LINGO2: variants seen among roughly 807,000 people sequenced by gnomAD.
LINGO2 encodes leucine rich repeat and Ig domain containing 2.
A neutral mutation model predicts 30.6 loss-of-function variants in LINGO2; 14 were observed. That is an observed-to-expected ratio of 0.46 (90% confidence interval 0.30 to 0.72). The LOEUF (loss-of-function observed/expected upper bound fraction) is 0.72. Ranked by LOEUF, LINGO2 falls within the 30% of genes least tolerant of loss-of-function variation. The pLI is 0.07. For missense variants in LINGO2, 729 were observed against 751.7 expected (o/e 0.97, Z 0.35); for synonymous variants, 317 against 288.5 (o/e 1.10, Z -1.00).
chr9:28,232,575 A>G (rs1821396843), intron 4 of LINGO2, among the ~76,000 whole-genome samples: 1 of 152,112 alleles, frequency 6.6e-6, no homozygotes, highest in African/African-American at 2.4e-5. Context: ...TAATTAATGT[A>G]ACGAGCACCT....
chr9:28,277,328 C>T (rs1823150538), intron 4 of LINGO2, among the ~76,000 whole-genome samples: 1 of 152,088 alleles, frequency 6.6e-6, no homozygotes, highest in Non-Finnish European at 1.5e-5. Context: ...GCAAACTTAA[C>T]CGATAAATGT....
chr9:28,687,594 T>C, the LINGO2 span, among the ~76,000 whole-genome samples: 1 of 152,016 alleles, frequency 6.6e-6, no homozygotes, highest in South Asian at 2.1e-4. Context: ...CATATGTAGG[T>C]CATTTGTCCT....
chr9:28,334,296 T>C (rs1825519009), intron 3 of LINGO2, among the ~76,000 whole-genome samples: 1 of 152,326 alleles, frequency 6.6e-6, no homozygotes, highest in Non-Finnish European at 1.5e-5. Context: ...CCTGTATTTA[T>C]ATTTCTTCTG....
At chr9:28,050,565 C>A (rs942646346) in intron 4 of LINGO2, among the ~76,000 whole-genome samples, 1 of 150,654 alleles carries the variant, frequency 6.6e-6, no homozygotes, top group Non-Finnish European at 1.5e-5. Flanking sequence ...GTTCTAATCC[C>A]CTCCATACTC....
chr9:28,593,169 G>C (rs536549609), intron 1 of LINGO2, among the ~76,000 whole-genome samples: 1 of 152,164 alleles, frequency 6.6e-6, no homozygotes, highest in East Asian at 1.9e-4. Flanking sequence ...ATTGTGCAAT[G>C]ATTAGATGCT....
chr9:28,211,154 G>A (rs528561286), intron 4 of LINGO2, among the ~76,000 whole-genome samples: 1 of 151,552 alleles, frequency 6.6e-6, no homozygotes, highest in South Asian at 2.1e-4. Context: ...TATTTATTCA[G>A]TCAACATGGA....
At chr9:28,498,752 G>T (rs547444770) in intron 1 of LINGO2, among the ~76,000 whole-genome samples, 2 of 152,246 alleles carry the variant, frequency 1.3e-5, no homozygotes, top group Non-Finnish European at 2.9e-5. Flanking sequence ...CGTCGCTCAT[G>T]CTGGGAGCTG....
At chr9:29,169,434 GA>G in the LINGO2 span, among the ~76,000 whole-genome samples, 1 of 149,034 alleles carries the variant, frequency 6.7e-6, no homozygotes, top group Non-Finnish European at 1.5e-5. Flanking sequence ...AACTCAACAA[GA>G]AAAAAAAATC....
intron 1 of LINGO2, among the ~76,000 whole-genome samples, chr9:28,603,395 G>A (rs892819299): frequency 1.3e-5 from 2 of 151,970 alleles, no homozygotes; most frequent in Non-Finnish European, 2.9e-5. Flanking sequence ...GATGACTATA[G>A]ACTGAATGGA....
chr9:28,983,369 T>A, the LINGO2 span, among the ~76,000 whole-genome samples: 1 of 148,868 alleles, frequency 6.7e-6, no homozygotes, highest in Admixed American at 6.7e-5. Context: ...TTGCTTTCCA[T>A]CAGCAATGCT....
At chr9:28,383,253 A>ATT (rs1554714264) in intron 2 of LINGO2, among the ~76,000 whole-genome samples, 381 of 19,898 alleles carry the variant, frequency 0.019, 1 homozygote, top group Non-Finnish European at 0.032. Context: ...ATCACCATTC[A>ATT]TTGTGTGTGT....
At chr9:27,977,983 T>C (rs1268162167) in intron 5 of LINGO2, among the ~76,000 whole-genome samples, 1 of 152,002 alleles carries the variant, frequency 6.6e-6, no homozygotes, top group Non-Finnish European at 1.5e-5. Context: ...AATGAAAACA[T>C]CATTTTTGGT....
chr9:29,013,289 C>A, the LINGO2 span, among the ~76,000 whole-genome samples: 1 of 152,078 alleles, frequency 6.6e-6, no homozygotes, highest in Non-Finnish European at 1.5e-5. Context: ...AATGGCACCC[C>A]AGTGAGTTCT....
chr9:29,069,105 T>A, the LINGO2 span, among the ~76,000 whole-genome samples: 1 of 151,888 alleles, frequency 6.6e-6, no homozygotes, highest in Non-Finnish European at 1.5e-5. Flanking sequence ...CAATTATATG[T>A]ATCCATTGTC....
intron 1 of LINGO2, among the ~76,000 whole-genome samples, chr9:28,568,287 A>T (rs954829850): frequency 1.3e-5 from 2 of 152,064 alleles, no homozygotes; most frequent in African/African-American, 4.8e-5. Flanking sequence ...GAACACATGG[A>T]TTCTGGGAGA....
At chr9:28,788,213 T>G in the LINGO2 span, among the ~76,000 whole-genome samples, 4 of 152,122 alleles carry the variant, frequency 2.6e-5, no homozygotes, top group Non-Finnish European at 5.9e-5. Context: ...AGAAAAAAAT[T>G]CATTAAAAAG....
chr9:28,582,549 C>A (rs748878993), intron 1 of LINGO2, among the ~76,000 whole-genome samples: 1 of 152,074 alleles, frequency 6.6e-6, no homozygotes, highest in South Asian at 2.1e-4. Context: ...AAAGGTCTCA[C>A]TCCGGTGACC....
chr9:29,144,179 T>C, the LINGO2 span, among the ~76,000 whole-genome samples: 29 of 152,208 alleles, frequency 1.9e-4, no homozygotes, highest in Non-Finnish European at 3.8e-4. Context: ...AGCCTTGTAG[T>C]AGAGTTTGAA....
chr9:28,124,387 A>G (rs1031491479), intron 4 of LINGO2, among the ~76,000 whole-genome samples: 2 of 152,166 alleles, frequency 1.3e-5, no homozygotes, highest in African/African-American at 4.8e-5. Flanking sequence ...TTACACTTCA[A>G]TTTTTTTCCA....
Sources: allele counts gnomAD v4.1 joint callset (sites outside exome capture counted in the v4.1 genomes callset), GRCh38; gene constraint gnomAD v4.1.1; transcripts MANE v1.5; gene names NCBI Gene and HGNC (gene_info 2026-07-23, HGNC 2026-07-21).